The following CEP170 variants were observed in gnomAD, a reference collection of about 807,000 sequenced individuals.
CEP170 encodes the protein centrosomal protein of 170 kDa.
A neutral mutation model predicts 151.9 loss-of-function variants in CEP170; 21 were observed. The observed-to-expected ratio is 0.14, with a 90% confidence interval of 0.10 to 0.20. The LOEUF is 0.20. Among genes scored for constraint, CEP170 ranks in the 10% least tolerant of loss-of-function variants. CEP170 has a pLI of 1.00. For synonymous variants in CEP170, 356 were observed against 648.8 expected (o/e 0.55, Z 6.86); for missense variants, 964 against 1,892.9 (o/e 0.51, Z 9.11).
intron 1 of CEP170, among the ~76,000 whole-genome samples, chr1:243,248,774 G>C (rs2065656576): frequency 6.6e-6 from 1 of 152,060 alleles, no homozygotes; most frequent in Admixed American, 6.6e-5. Context: ...TTTTGGCTTT[G>C]CTCAAAATCC....
chr1:243,186,159 C>G (rs773050201), intron 9 of CEP170, 87 bp from the exon 10 acceptor site: 329 of 1,613,078 alleles, frequency 2.0e-4, no homozygotes, highest in Non-Finnish European at 2.4e-4. Context: ...TATGTAGTTT[C>G]CTGACACAAG....
At chr1:243,251,374 A>G (rs567382316) in intron 1 of CEP170, among the ~76,000 whole-genome samples, 1 of 152,342 alleles carries the variant, frequency 6.6e-6, no homozygotes, top group Non-Finnish European at 1.5e-5. Context: ...GATGAGTAGA[A>G]AGAATTTTGG....
At chr1:243,208,173 C>T (rs1002168664) in intron 4 of CEP170, among the ~76,000 whole-genome samples, 1 of 152,048 alleles carries the variant, frequency 6.6e-6, no homozygotes, top group Non-Finnish European at 1.5e-5. Flanking sequence ...TCAAAATATA[C>T]ACAGAATCCT....
chr1:243,167,823 T>C (rs1359261094), intron 12 of CEP170, among the ~76,000 whole-genome samples: 1 of 151,962 alleles, frequency 6.6e-6, no homozygotes, highest in African/African-American at 2.4e-5. Flanking sequence ...AACTGAAGCA[T>C]CTAGAATGTA....
At chr1:243,241,026 A>G (rs562589096) in intron 1 of CEP170, among the ~76,000 whole-genome samples, 2 of 152,334 alleles carry the variant, frequency 1.3e-5, no homozygotes, top group African/African-American at 4.8e-5. Context: ...AGTGCTTAAT[A>G]TTCCATTTTC....
chr1:243,238,732 T>G (rs929339999), intron 1 of CEP170, among the ~76,000 whole-genome samples: 1 of 152,224 alleles, frequency 6.6e-6, no homozygotes, highest in Non-Finnish European at 1.5e-5. Flanking sequence ...ATAACAGAAC[T>G]CAGTCCACAT....
chr1:243,226,019 ACACACG>A (rs1202871876), intron 1 of CEP170, among the ~76,000 whole-genome samples: 1 of 134,310 alleles, frequency 7.4e-6, no homozygotes, highest in Non-Finnish European at 1.5e-5. Context: ...AGATATATAT[ACACACG>A]TATATATATC....
chr1:243,141,314 CT>C (rs1296525131), intron 15 of CEP170, among the ~76,000 whole-genome samples: 1 of 152,218 alleles, frequency 6.6e-6, no homozygotes, highest in Non-Finnish European at 1.5e-5. Context: ...TCTGTCTCAA[CT>C]ACTCAGTTCT....
chr1:243,184,924 C>A (rs2059845229), intron 10 of CEP170, among the ~76,000 whole-genome samples: 1 of 152,012 alleles, frequency 6.6e-6, no homozygotes, highest in Non-Finnish European at 1.5e-5. Context: ...TGCTGCTAAC[C>A]CGTGGAGTGG....
In CEP170 at chr1:243,176,375, A is replaced by G. The variant is rs565603515; in HGVS notation, c.1567-3529T>C. 1.7e-4 allele frequency among the ~76,000 whole-genome samples: 26 copies of G among 152,206 alleles called. 1 individual carries two copies. The South Asian group carries it at 5.2e-3, about 30-fold the overall frequency. On this transcript the variant is annotated intron_variant, in intron 10 of 19. Transcript: ENST00000366542. The stretch of plus-strand genomic sequence containing the variant: ...AACTCCTTTGTGAACTTGCACTTGC[A>G]TGGAGAGCTGTCTGGGCCTGGCAGA...
intron 12 of CEP170, among the ~76,000 whole-genome samples, chr1:243,168,932 T>C (rs1342785097): frequency 6.6e-6 from 1 of 151,378 alleles, no homozygotes. Flanking sequence ...TCAATAAATA[T>C]CTGTTGTATT....
At chr1:243,196,884 T>A (rs2060689347) in intron 7 of CEP170, among the ~76,000 whole-genome samples, 1 of 152,062 alleles carries the variant, frequency 6.6e-6, no homozygotes. Context: ...TTAATGTATG[T>A]GTGTATTTAT....
In CEP170 at chr1:243,254,199, TAA is replaced by T. The variant is rs1466435764; in HGVS notation, c.-42+839_-42+840del. Among the ~76,000 whole-genome samples the T allele has an allele frequency of 4.0e-5, 6 of 151,708 alleles. No individual in the cohort carries two copies. The East Asian group carries it at 1.2e-3, about 29-fold the overall frequency. On this transcript the variant is annotated intron_variant, in intron 1 of 19. Coordinates refer to ENST00000366542, the MANE Select transcript of CEP170 (RefSeq NM_014812.3). Reference sequence around the variant, plus strand: ...CCTTACATTCCTCAAAATAAATAAATAAATAAATAAATAAATAAATAAAACTC... The same window carrying T: ...CCTTACATTCCTCAAAATAAATAAATATAAATAAATAAATAAATAAAACTC...
At chr1:243,161,112 G>T (rs1433996166) in intron 13 of CEP170, among the ~76,000 whole-genome samples, 4 of 149,700 alleles carry the variant, frequency 2.7e-5, no homozygotes, top group Non-Finnish European at 5.9e-5. Flanking sequence ...CGACCAGCCT[G>T]CCCAATATGG....
At chr1:243,156,639 G>A (rs375258368) in intron 13 of CEP170, 184 bp from the exon 14 acceptor site, 40 of 477,712 alleles carry the variant, frequency 8.4e-5, no homozygotes, top group African/African-American at 5.2e-4. Flanking sequence ...ATTACACTTC[G>A]GTGAATTAAA....
intron 1 of CEP170, among the ~76,000 whole-genome samples, chr1:243,227,315 G>A (rs2063379365): frequency 6.6e-6 from 1 of 151,502 alleles, no homozygotes; most frequent in Non-Finnish European, 1.5e-5. Context: ...ACAAGCTCAC[G>A]TTGTCTGTCA....
intron 3 of CEP170, among the ~76,000 whole-genome samples, chr1:243,213,115 T>C (rs1200137117): frequency 1.3e-5 from 2 of 152,188 alleles, no homozygotes; most frequent in African/African-American, 2.4e-5. Flanking sequence ...ATATTCTTTT[T>C]TTTTTCTTTT....
At chr1:243,151,004 C>A (rs2057016524) in intron 14 of CEP170, among the ~76,000 whole-genome samples, 1 of 152,152 alleles carries the variant, frequency 6.6e-6, no homozygotes, top group South Asian at 2.1e-4. Flanking sequence ...TACACCACAT[C>A]CCTGTCACTG....
intron 4 of CEP170, among the ~76,000 whole-genome samples, chr1:243,203,570 T>C (rs2061201672): frequency 6.6e-6 from 1 of 152,156 alleles, no homozygotes; most frequent in Non-Finnish European, 1.5e-5. Context: ...GATATCACTG[T>C]AAACATATCT....
Sources: allele counts gnomAD v4.1 joint callset (sites outside exome capture counted in the v4.1 genomes callset), GRCh38; gene constraint gnomAD v4.1.1; transcripts MANE v1.5; gene names NCBI Gene and HGNC (gene_info 2026-07-23, HGNC 2026-07-21).